The following SPAG17 variants were observed in gnomAD, a reference collection of about 807,000 sequenced individuals.
The protein encoded by SPAG17 is sperm associated antigen 17.
SPAG17 carries 169 observed loss-of-function variants against 273.6 expected under a neutral mutation model. The ratio of observed to expected loss-of-function variants is 0.62; its 90% CI spans 0.55 to 0.70. SPAG17 has a LOEUF of 0.70. Among genes scored for constraint, SPAG17 ranks in the 30% least tolerant of loss-of-function variants. The pLI, the probability that SPAG17 is intolerant of heterozygous loss-of-function variation, is 0.00. For missense variants in SPAG17, 2,557 were observed against 2,627.8 expected, an observed-to-expected ratio of 0.97 and a Z score of 0.59; for synonymous variants, 825 against 873.2, an observed-to-expected ratio of 0.94 and a Z score of 0.97.
At chr1:117,956,950 C>T in intron 48 of SPAG17, 3 of 836,762 alleles carry the variant, frequency 3.6e-6, no homozygotes, top group Non-Finnish European at 5.2e-6. Flanking sequence ...TAACTCTAGG[C>T]AAGATGTATC....
intron 32 of SPAG17, among the ~76,000 whole-genome samples, chr1:118,003,946 C>T (rs977413357): frequency 3.9e-5 from 6 of 152,246 alleles, no homozygotes; most frequent in Middle Eastern, 3.4e-3. Flanking sequence ...CCACCTTTGT[C>T]GTTGTATCTA....
chr1:118,116,464 T>A (rs1377241872), intron 3 of SPAG17, among the ~76,000 whole-genome samples: 1 of 152,130 alleles, frequency 6.6e-6, no homozygotes, highest in Non-Finnish European at 1.5e-5. Flanking sequence ...CTGGGGCGCA[T>A]ATGGTGTCAA....
intron 1 of SPAG17, 61 bp from the exon 2 acceptor site, chr1:118,151,430 A>G: frequency 7.1e-7 from 1 of 1,414,248 alleles, no homozygotes; most frequent in Non-Finnish European, 9.6e-7. Flanking sequence ...TTCGTGTCAA[A>G]TATTTCCACT....
chr1:118,051,781 TTATAA>T (rs1651051479), intron 20 of SPAG17, among the ~76,000 whole-genome samples: 1 of 143,596 alleles, frequency 7.0e-6, no homozygotes, highest in African/African-American at 2.5e-5. Flanking sequence ...CATAATACTA[TTATAA>T]TATATAAACT....
At chr1:118,077,664 C>T (rs935624539) in intron 15 of SPAG17, among the ~76,000 whole-genome samples, 6 of 152,228 alleles carry the variant, frequency 3.9e-5, no homozygotes, top group Non-Finnish European at 5.9e-5. Context: ...GATACACTAT[C>T]GCCATAAGAA....
intron 1 of SPAG17, among the ~76,000 whole-genome samples, chr1:118,166,742 C>T (rs1414912562): frequency 6.6e-6 from 1 of 152,042 alleles, no homozygotes; most frequent in Non-Finnish European, 1.5e-5. Flanking sequence ...ACCAGATCAA[C>T]AAAAAACTTT....
Position 117,970,042 on chromosome 1 carries a change from C to T in SPAG17, c.6387+14G>A. On this transcript the variant is annotated intron_variant, in intron 46 of 48. Transcript: ENST00000336338. ...GCACGCAAGCACACACAACAGATGA[C>T]ATATAGGACTTACAGGTCCAGGTTT... 6.2e-7 allele frequency: 1 copy of T among 1,612,920 alleles called. No individual in the cohort carries two copies. Among genetic ancestry groups the T allele is most frequent in the Non-Finnish European group, 8.5e-7 (1 of 1,179,354 alleles).
chr1:117,997,167 A>G (rs1657752958), intron 32 of SPAG17, among the ~76,000 whole-genome samples: 1 of 152,130 alleles, frequency 6.6e-6, no homozygotes, highest in Non-Finnish European at 1.5e-5. Flanking sequence ...GCTCATGGGT[A>G]GAATACATTG....
chr1:118,169,574 CA>C (rs1326415679), intron 1 of SPAG17, among the ~76,000 whole-genome samples: 1 of 152,132 alleles, frequency 6.6e-6, no homozygotes, highest in Non-Finnish European at 1.5e-5. Context: ...AAAAATTGCT[CA>C]AGGGTTATGT....
chr1:118,091,784 C>T, intron 9 of SPAG17, 66 bp from the exon 10 acceptor site: 1 of 1,369,806 alleles, frequency 7.3e-7, no homozygotes, highest in South Asian at 1.2e-5. Context: ...ATCAAAATTT[C>T]ATGCATAATT....
chr1:118,036,989 A>G, intron 23 of SPAG17, 106 bp from the exon 24 acceptor site: 2 of 740,652 alleles, frequency 2.7e-6, no homozygotes, highest in East Asian at 2.8e-5. Flanking sequence ...CTCTACCACA[A>G]TCAACTTAAA....
At chr1:118,077,859 A>C (rs1212743329) in intron 15 of SPAG17, among the ~76,000 whole-genome samples, 2 of 152,184 alleles carry the variant, frequency 1.3e-5, no homozygotes, top group African/African-American at 4.8e-5. Flanking sequence ...CATCACCAGG[A>C]ATTTCTGGAA....
At chr1:118,093,848 G>A (rs1231186593) in intron 7 of SPAG17, among the ~76,000 whole-genome samples, 2 of 152,126 alleles carry the variant, frequency 1.3e-5, no homozygotes, top group African/African-American at 4.8e-5. Flanking sequence ...CCTTTCACCT[G>A]TTCTACCTCT....
At chr1:118,104,938 G>C (rs1471267621) in intron 4 of SPAG17, among the ~76,000 whole-genome samples, 1 of 152,168 alleles carries the variant, frequency 6.6e-6, no homozygotes, top group African/African-American at 2.4e-5. Context: ...AAAGTCAAGA[G>C]ATGTTATGCT....
chr1:118,058,378 T>C (rs1651927997), intron 18 of SPAG17, among the ~76,000 whole-genome samples: 1 of 152,168 alleles, frequency 6.6e-6, no homozygotes, highest in Admixed American at 6.5e-5. Context: ...CAGCTAATTT[T>C]TGTATTTTTT....
intron 13 of SPAG17, among the ~76,000 whole-genome samples, chr1:118,082,165 G>C (rs1654632445): frequency 6.6e-6 from 1 of 152,098 alleles, no homozygotes; most frequent in Non-Finnish European, 1.5e-5. Context: ...CTTTCAGCAG[G>C]CTTTATAATT....
intron 24 of SPAG17, among the ~76,000 whole-genome samples, chr1:118,033,226 A>G (rs1371475778): frequency 6.6e-6 from 1 of 152,022 alleles, no homozygotes; most frequent in African/African-American, 2.4e-5. Flanking sequence ...TATATTTCTC[A>G]CTTTTTTAAG....
chr1:118,083,419 ACTTGAGGGGT>A (rs1654745905), intron 13 of SPAG17, among the ~76,000 whole-genome samples: 2 of 152,146 alleles, frequency 1.3e-5, no homozygotes, highest in African/African-American at 2.4e-5. Context: ...GGAATAGTCC[ACTTGAGGGGT>A]GGTGGGGGAC....
At chr1:118,008,239 G>T in intron 30 of SPAG17, 41 bp from the exon 31 acceptor site, 1 of 1,606,804 alleles carries the variant, frequency 6.2e-7, no homozygotes, top group South Asian at 1.1e-5. Context: ...ATAGGATGTA[G>T]ACATTGCAAA....
Sources: gnomAD v4.1 joint callset for allele counts (sites outside exome capture counted in the v4.1 genomes callset) on GRCh38, gnomAD v4.1.1 for gene constraint, MANE v1.5 for transcripts, NCBI Gene and HGNC (gene_info 2026-07-23, HGNC 2026-07-21) for gene names.